Variants in RIC1 observed in about 807,000 individuals in gnomAD.
RIC1 encodes guanine nucleotide exchange factor subunit RIC1.
A neutral mutation model predicts 169.0 loss-of-function variants in RIC1; 88 were observed. That is an observed-to-expected ratio of 0.52 (90% confidence interval 0.44 to 0.62). The LOEUF (loss-of-function observed/expected upper bound fraction) is 0.62, where lower values mean the gene tolerates loss of function less well. Ranked by LOEUF, RIC1 falls within the 20% of genes least tolerant of loss-of-function variation. RIC1 has a pLI of 0.00. For synonymous variants in RIC1, 790 were observed against 601.5 expected (o/e 1.31, Z -4.59); for missense variants, 1,877 against 1,725.5 (o/e 1.09, Z -1.56).
At position 5,656,633 on chromosome 9, in the gene RIC1, G is replaced by A. The variant is rs560179483; in HGVS notation, c.195G>A (p.Gln65=). The change falls in exon 2 of 26, where the codon CAG becomes CAA. Residue 65 remains glutamine (Q), a synonymous_variant. Coordinates refer to ENST00000414202, the MANE Select transcript of RIC1 (RefSeq NM_020829.4). The part of the protein sequence containing the change: ...TYKEPAKSST[Q]FGSYKQAEWR... ...AGGAGCCTGCAAAATCATCTACTCA[G>A]TTTGGATCCTACAAGCAAGCTGAAT... is the stretch of plus-strand genomic sequence containing the variant. 6.2e-7 allele frequency: 1 copy of A among 1,609,936 alleles called. No homozygotes were observed. The highest frequency in any genetic ancestry group is 8.5e-7 in the Non-Finnish European group (1 of 1,178,022).
chr9:5,745,902 C>G, intron 10 of RIC1, 29 bp from the exon 11 acceptor site: 3 of 1,588,140 alleles, frequency 1.9e-6, no homozygotes, highest in Non-Finnish European at 2.6e-6. Context: ...ATTGCTCTGA[C>G]TTTTTTTCTC....
intron 3 of RIC1, 125 bp from the exon 4 acceptor site, chr9:5,713,771 A>G (rs1823071902): frequency 3.7e-6 from 2 of 540,664 alleles, no homozygotes; most frequent in Admixed American, 3.3e-5. Context: ...TTCATTTGAG[A>G]ATCTGAAGGA....
chr9:5,650,714 G>C (rs1323287077), intron 1 of RIC1, among the ~76,000 whole-genome samples: 1 of 152,114 alleles, frequency 6.6e-6, no homozygotes, highest in South Asian at 2.1e-4. Flanking sequence ...CAGGCTAGCA[G>C]GGTTTAGGCT....
At chr9:5,718,139 CAAAAA>C (rs35477806) in intron 4 of RIC1, among the ~76,000 whole-genome samples, 22 of 28,082 alleles carry the variant, frequency 7.8e-4, no homozygotes, top group African/African-American at 2.0e-3. Context: ...GACTCCGTCT[CAAAAA>C]AAAAAAAAAA....
rs74819923 is a variant in RIC1 at position 5,650,385 on chromosome 9, G to T, written c.145-6198G>T. Among the ~76,000 whole-genome samples the T allele has an allele frequency of 2.6e-3, 390 of 152,160 alleles. 9 individuals carry two copies. The highest frequency in any genetic ancestry group is 0.025 in the East Asian group (131 of 5,150). On this transcript the variant is annotated intron_variant, in intron 1 of 25. Coordinates refer to ENST00000414202, the MANE Select transcript of RIC1 (RefSeq NM_020829.4). ...AATCTCTATGCTTGGGCCCTTGGGG[G>T]TATGTGGTGCCAGGCCAGGTGGGCC...
At position 5,631,490 on chromosome 9, in the gene RIC1, A is replaced by G. The variant is rs113953230; in HGVS notation, c.144+2037A>G. Among the ~76,000 whole-genome samples the G allele has an allele frequency of 6.7e-4, 102 of 152,226 alleles. 1 individual carries two copies. The highest frequency in any genetic ancestry group is 2.4e-3 in the African/African-American group (100 of 41,546). On this transcript the variant is annotated intron_variant, in intron 1 of 25. Transcript: ENST00000414202. ...TTCACGAGGTCAAGAGATCGAGACC[A>G]TCCTGGCCAACATGGTGAAATCCCG... is the stretch of plus-strand genomic sequence containing the variant.
At chr9:5,685,148 C>T (rs1365104790) in intron 2 of RIC1, among the ~76,000 whole-genome samples, 1 of 151,090 alleles carries the variant, frequency 6.6e-6, no homozygotes, top group Non-Finnish European at 1.5e-5. Context: ...AATGGAAGAA[C>T]ATTCCATGCT....
chr9:5,737,719 A>T (rs1168653079), intron 7 of RIC1, among the ~76,000 whole-genome samples: 1 of 151,716 alleles, frequency 6.6e-6, no homozygotes, highest in Non-Finnish European at 1.5e-5. Flanking sequence ...CAAGACTTTT[A>T]ACTACTAATA....
intron 8 of RIC1, among the ~76,000 whole-genome samples, chr9:5,740,765 C>T (rs1825037096): frequency 6.6e-6 from 1 of 152,030 alleles, no homozygotes. Context: ...AGCCCACTGA[C>T]TCAAATGTTA....
chr9:5,655,604 C>T (rs2130443183), intron 1 of RIC1, among the ~76,000 whole-genome samples: 1 of 151,844 alleles, frequency 6.6e-6, no homozygotes, highest in East Asian at 2.0e-4. Flanking sequence ...CCCGGCCTTG[C>T]TCAGCGTTTT....
intron 8 of RIC1, among the ~76,000 whole-genome samples, chr9:5,738,838 A>C (rs563283219): frequency 1.8e-4 from 27 of 152,084 alleles, no homozygotes; most frequent in African/African-American, 6.0e-4. Context: ...TAATTAGCCA[A>C]TGCCCAAGTT....
intron 23 of RIC1, among the ~76,000 whole-genome samples, chr9:5,770,720 G>C (rs898137036): frequency 6.6e-6 from 1 of 152,030 alleles, no homozygotes; most frequent in Non-Finnish European, 1.5e-5. Flanking sequence ...AATAAAAATT[G>C]TGGACATTTG....
intron 4 of RIC1, among the ~76,000 whole-genome samples, 185 bp from the exon 5 acceptor site, chr9:5,719,997 T>C (rs572277977): frequency 1.3e-5 from 2 of 152,336 alleles, no homozygotes; most frequent in African/African-American, 2.4e-5. Flanking sequence ...CCATAGTCTT[T>C]CATTTCTTTC....
chr9:5,645,541 A>G (rs1216150277), intron 1 of RIC1, among the ~76,000 whole-genome samples: 1 of 152,166 alleles, frequency 6.6e-6, no homozygotes, highest in Non-Finnish European at 1.5e-5. Context: ...TACCCTGTAA[A>G]TGGTAATTCC....
At chr9:5,743,107 C>A in intron 9 of RIC1, 94 bp downstream of exon 9, 3 of 1,162,996 alleles carry the variant, frequency 2.6e-6, no homozygotes, top group Non-Finnish European at 2.5e-6. Flanking sequence ...TCCCTTTTTG[C>A]CTTGACTCTT....
intron 1 of RIC1, among the ~76,000 whole-genome samples, chr9:5,651,430 TG>T (rs1818794733): frequency 1.3e-5 from 2 of 152,136 alleles, no homozygotes; most frequent in Admixed American, 6.6e-5. Flanking sequence ...CTATTTTTGC[TG>T]TTGTTGCCTG....
chr9:5,663,079 C>T (rs1819550342), intron 2 of RIC1, among the ~76,000 whole-genome samples: 1 of 152,242 alleles, frequency 6.6e-6, no homozygotes, highest in Middle Eastern at 3.4e-3. Context: ...GCCTTAATTT[C>T]ATTATTTACT....
At chr9:5,665,134 C>G (rs146974287) in intron 2 of RIC1, among the ~76,000 whole-genome samples, 1 of 152,014 alleles carries the variant, frequency 6.6e-6, no homozygotes, top group Non-Finnish European at 1.5e-5. Flanking sequence ...TTTAGCTCTT[C>G]TTGTTGAATT....
chr9:5,657,634 T>A (rs1346755715), intron 2 of RIC1, among the ~76,000 whole-genome samples: 1 of 152,142 alleles, frequency 6.6e-6, no homozygotes. Context: ...TTTATCTCTT[T>A]GCGTTGGTCC....
Sources: allele counts gnomAD v4.1 joint callset (sites outside exome capture counted in the v4.1 genomes callset), GRCh38; gene constraint gnomAD v4.1.1; transcripts MANE v1.5; gene names NCBI Gene and HGNC (gene_info 2026-07-23, HGNC 2026-07-21).